Variants in MFN2 observed in about 807,000 individuals in gnomAD.
MFN2 encodes the protein mitofusin-2.
A neutral mutation model predicts 87.5 loss-of-function variants in MFN2; 43 were observed. The ratio of observed to expected loss-of-function variants is 0.49; its 90% confidence interval spans 0.38 to 0.63. The LOEUF (loss-of-function observed/expected upper bound fraction) is 0.63, where lower values mean the gene tolerates loss of function less well. MFN2 is among the 30% of genes least tolerant of loss of function. MFN2 has a pLI of 0.00. For synonymous variants in MFN2, 337 were observed against 359.9 expected, an observed-to-expected ratio of 0.94 and a Z score of 0.72; for missense variants, 743 against 972.8, an observed-to-expected ratio of 0.76 and a Z score of 3.14.
intron 17 of MFN2, among the ~76,000 whole-genome samples, chr1:12,008,822 C>T (rs1639557662): frequency 6.6e-6 from 1 of 152,226 alleles, no homozygotes; most frequent in South Asian, 2.1e-4. Flanking sequence ...CGGGCAGAGG[C>T]TGCAATCTCG....
In MFN2 at chr1:12,009,717, A is replaced by G. The variant is rs767383693; in HGVS notation, c.2195A>G (p.Lys732Arg). 6.2e-7 allele frequency: 1 copy of G among 1,614,106 alleles called. No individual in the cohort carries two copies. Among genetic ancestry groups the G allele is most frequent in the African/African-American group, 1.3e-5 (1 of 74,940 alleles). The change falls in exon 18 of 19, where the codon AAG becomes AGG. Residue 732 changes from lysine to arginine, a missense_variant. By Grantham distance (26) the Lys-to-Arg change is conservative. Around this residue, in one of 3 missense-constraint regions of MFN2, gnomAD observed 571 missense variants for 670.7 expected, o/e 0.85. Coordinates refer to ENST00000235329, the MANE Select transcript of MFN2 (RefSeq NM_014874.4). ...CTTGACTCACTTCAGAGCAAAGCAA[A>G]GCTGCTCAGGTGAGGCTGGCCCGTG... The part of the protein sequence containing the change: ...EVLDSLQSKA[K>R]LLRNKAGWLD...
At chr1:11,980,624 C>G in intron 1 of MFN2, 140 bp downstream of exon 1, 1 of 396,336 alleles carries the variant, frequency 2.5e-6, no homozygotes, top group Non-Finnish European at 4.4e-6. Context: ...ACTCTCCGGC[C>G]TCGCCGCCGG....
At chr1:11,985,571 A>AT (rs1638366392) in intron 2 of MFN2, among the ~76,000 whole-genome samples, 1 of 147,446 alleles carries the variant, frequency 6.8e-6, no homozygotes, top group Non-Finnish European at 1.5e-5. Flanking sequence ...GGTTCAAGTG[A>AT]TTCTCCTGCC....
chr1:11,989,734 A>G (rs1638593159), intron 3 of MFN2, among the ~76,000 whole-genome samples: 1 of 152,260 alleles, frequency 6.6e-6, no homozygotes, highest in East Asian at 1.9e-4. Flanking sequence ...TCTGGCTGCC[A>G]TTAATACCAG....
chr1:12,006,160 TTAAAG>T (rs1639405561), intron 15 of MFN2, among the ~76,000 whole-genome samples: 2 of 95,540 alleles, frequency 2.1e-5, no homozygotes, highest in South Asian at 3.7e-4. Flanking sequence ...CTAATACACA[TTAAAG>T]TAAGTATGTA....
chr1:11,997,537 C>G (rs1229346398), intron 6 of MFN2, 116 bp downstream of exon 6: 2 of 1,414,096 alleles, frequency 1.4e-6, no homozygotes, highest in African/African-American at 1.4e-5. Context: ...AGTATTACTA[C>G]CTTTCAGATG....
chr1:12,004,415 G>C lies in MFN2; in HGVS notation c.1288-94G>C, dbSNP rs113633167. On this transcript the variant is annotated intron_variant, in intron 12 of 18. Coordinates refer to ENST00000235329, the MANE Select transcript of MFN2 (RefSeq NM_014874.4). This position sits in a 1 kb window ranked among gnomAD's most constrained non-coding sequence, Gnocchi z 4.2. ...GCTGAGGAGGCTGCTGGTTTGAGAG[G>C]AAGGATGTGCCATCTGCTAGGATCT... is the stretch of plus-strand genomic sequence containing the variant. The C allele has an allele frequency of 2.2e-5, 25 of 1,134,886 alleles. No individual in the cohort carries two copies. The highest frequency in any genetic ancestry group is 1.4e-4 in the African/African-American group (9 of 65,446). 70.3% of individuals were successfully genotyped at this position (1,134,886 alleles called of 1,614,324 possible).
chr1:11,993,607 C>T (rs1220478115), intron 4 of MFN2, among the ~76,000 whole-genome samples: 4 of 151,788 alleles, frequency 2.6e-5, no homozygotes, highest in South Asian at 2.1e-4. Flanking sequence ...AGGTGGCGGG[C>T]GCCTGTAGTC....
intron 17 of MFN2, 88 bp downstream of exon 17, chr1:12,007,337 C>T (rs1639470501): frequency 3.4e-6 from 5 of 1,474,832 alleles, no homozygotes; most frequent in Non-Finnish European, 4.6e-6. Context: ...CCCACGTGGC[C>T]TGGAAGCCAC....
chr1:11,991,721 G>A (rs1460909670), intron 3 of MFN2, among the ~76,000 whole-genome samples: 1 of 151,692 alleles, frequency 6.6e-6, no homozygotes, highest in Non-Finnish European at 1.5e-5. Flanking sequence ...TCAGGAGATC[G>A]AGACCATCCC....
chr1:12,003,483 G>A lies in MFN2; in HGVS notation c.1161-509G>A, dbSNP rs544949405. Among the ~76,000 whole-genome samples, 29 of 152,324 alleles carry A rather than the reference G, an allele frequency of 1.9e-4. No homozygotes were observed. Among genetic ancestry groups the A allele is most frequent in the African/African-American group, 6.3e-4 (26 of 41,568 alleles). On this transcript the variant is annotated intron_variant, in intron 11 of 18. Coordinates refer to ENST00000235329, the MANE Select transcript of MFN2 (RefSeq NM_014874.4). This position sits in a 1 kb window ranked among gnomAD's most constrained non-coding sequence, Gnocchi z 4.1. ...AGTTCAAGACCAGCCTGACCAACAC[G>A]GAGAAACCCTGTCTCTGCTAAAAAT...
At chr1:12,000,346 C>T (rs956175667) in intron 8 of MFN2, among the ~76,000 whole-genome samples, 1 of 151,956 alleles carries the variant, frequency 6.6e-6, no homozygotes, top group African/African-American at 2.4e-5. Context: ...CCCGCCACCA[C>T]ACCTGGCTAA....
At chr1:12,005,608 A>G (rs982142255) in intron 14 of MFN2, 103 bp from the exon 15 acceptor site, 1 of 1,219,004 alleles carries the variant, frequency 8.2e-7, no homozygotes, top group South Asian at 1.2e-5. Context: ...AAAGCTGTTC[A>G]GCATCCCTGG....
rs373843969 is a variant in MFN2 at position 12,006,639 on chromosome 1, C to T, written c.1818C>T (p.Gly606=). 4.0e-5 allele frequency: 64 copies of T among 1,614,084 alleles called. No individual in the cohort carries two copies. Among genetic ancestry groups the T allele is most frequent in the Admixed American group, 2.3e-4 (14 of 60,000 alleles). Residue 606 remains glycine, a synonymous_variant, in exon 16 of 19, where the codon GGC becomes GGT. Coordinates refer to ENST00000235329, the MANE Select transcript of MFN2 (RefSeq NM_014874.4). ...QEEFMVSMVT[G]LASLTSRTSM... ...AGTTCATGGTTTCCATGGTTACCGG[C>T]CTGGCCTCCTTGACATCCAGGACCT... is the stretch of plus-strand genomic sequence containing the variant.
Position 12,012,859 on chromosome 1 carries a change from C to T in MFN2, c.*1294C>T, listed in dbSNP as rs760405586. The stretch of plus-strand genomic sequence containing the variant: ...AAATCCTGTGTGGCACAAGTTGGAT[C>T]GCTTCCTAGAAATAAGCAACACCTC... On this transcript the variant is annotated 3_prime_UTR_variant, in exon 19 of 19. Coordinates refer to ENST00000235329, the MANE Select transcript of MFN2 (RefSeq NM_014874.4). 3.3e-5 allele frequency: 5 copies of T among 153,336 alleles called. No homozygotes were observed. Among genetic ancestry groups the T allele is most frequent in the African/African-American group, 1.2e-4 (5 of 41,442 alleles). 9.5% of individuals were successfully genotyped at this position (153,336 alleles called of 1,614,324 possible). A position where few individuals can be genotyped will look rare whatever the true frequency, so the allele number is the denominator to read the frequency against.
intron 11 of MFN2, among the ~76,000 whole-genome samples, chr1:12,002,825 G>T (rs566217892): frequency 2.0e-5 from 3 of 152,188 alleles, no homozygotes; most frequent in Non-Finnish European, 4.4e-5. Flanking sequence ...CTGCCCTGAG[G>T]CACCATAATC....
At chr1:11,993,966 C>G (rs1638803757) in intron 4 of MFN2, among the ~76,000 whole-genome samples, 1 of 152,056 alleles carries the variant, frequency 6.6e-6, no homozygotes, top group African/African-American at 2.4e-5. Context: ...CTGCCCTTAT[C>G]CAGATTGAAA....
chr1:11,992,801 C>A, intron 4 of MFN2, 111 bp downstream of exon 4: 2 of 1,298,542 alleles, frequency 1.5e-6, no homozygotes, highest in Non-Finnish European at 2.2e-6. Flanking sequence ...GAATTCATTG[C>A]TTTCCTCTTA....
In MFN2 at chr1:12,007,177, TG is replaced by T. The variant is rs1208848153; in HGVS notation, c.1999del (p.Glu667SerfsTer51). On this transcript the variant is annotated frameshift_variant, in exon 17 of 19. Transcript: ENST00000235329. LOFTEE classifies it high-confidence loss of function. ...GAGAGGGCCTTCAAGCGCCAGTTTG[TG>T]GAGCATGCCAGCGAGAAGCTGCAGC... is the stretch of plus-strand genomic sequence containing the variant. ...AKERAFKRQF[V>X]EHASEKLQLV... The T allele has an allele frequency of 6.2e-7, 1 of 1,614,166 alleles. No individual in the cohort carries two copies. The highest frequency in any genetic ancestry group is 2.2e-5 in the East Asian group (1 of 44,884).
Sources: allele counts gnomAD v4.1 joint callset (sites outside exome capture counted in the v4.1 genomes callset), GRCh38; gene constraint gnomAD v4.1.1; regional missense constraint gnomAD v4.1.1; non-coding constraint Gnocchi (gnomAD v3.1); transcripts MANE v1.5; gene names NCBI Gene and HGNC (gene_info 2026-07-23, HGNC 2026-07-21).